F8: variants seen among roughly 807,000 people sequenced by gnomAD.
F8 encodes antihemophilic factor.
A neutral mutation model predicts 140.6 loss-of-function variants in F8; 12 were observed. The ratio of observed to expected loss-of-function variants is 0.09; its 90% CI spans 0.05 to 0.14. F8 has a LOEUF of 0.14. F8 is among the 10% of genes least tolerant of loss of function. The pLI is 1.00. For missense variants in F8, 1,354 were observed against 1,720.7 expected (o/e 0.79, Z 3.77); for synonymous variants, 585 against 614.6 (o/e 0.95, Z 0.71).
At chrX:155,012,250 TG>T (rs2073709299) in intron 1 of F8, among the ~76,000 whole-genome samples, 1 of 111,663 alleles carries the variant, frequency 9.0e-6, no homozygotes, top group Non-Finnish European at 1.9e-5. Flanking sequence ...CTCCAAGGAG[TG>T]AAAAAATGGT....
Position 154,947,706 on chromosome X carries a change from T to C in F8, c.2105A>G (p.Glu702Gly). 8.3e-7 allele frequency: 1 copy of C among 1,208,453 alleles called. No homozygotes were observed. Among genetic ancestry groups the C allele is most frequent in the Non-Finnish European group, 1.1e-6 (1 of 892,406 alleles). The change falls in exon 13 of 26, where the codon GAA (glutamate) becomes GGA (glycine). Residue 702 changes from glutamate to glycine, a missense_variant. This residue lies in a region of F8 where 252 missense variants were observed against 338.5 expected (regional missense o/e 0.74). Coordinates refer to ENST00000360256, the MANE Select transcript of F8 (RefSeq NM_000132.4). ...AAAATATAATAACTAACCTGGGTTT[T>C]CCATCGACATGAAGACAGTTTCTCC... ...FSGETVFMSMENPGLWILGCH... is the reference protein window; with the variant it reads ...FSGETVFMSMGNPGLWILGCH...
In F8 at chrX:154,872,031, TA is replaced by T. The variant is rs1385935605; in HGVS notation, c.6430-8805del. On this transcript the variant is annotated intron_variant, in intron 22 of 25. Coordinates refer to ENST00000360256, the MANE Select transcript of F8 (RefSeq NM_000132.4). The stretch of plus-strand genomic sequence containing the variant: ...TCACGCCAGTTAGAACGGTGATCAT[TA>T]AAAAGTCAGGAAACAACAGATGCTG... Among the ~76,000 whole-genome samples the T allele has an allele frequency of 4.5e-5, 5 of 111,911 alleles. No homozygotes were observed. The Admixed American group carries it at 4.7e-4, about 11-fold the overall frequency.
chrX:154,879,598 G>C (rs1488855346), intron 22 of F8, among the ~76,000 whole-genome samples: 1 of 112,207 alleles, frequency 8.9e-6, no homozygotes, highest in Non-Finnish European at 1.9e-5. Flanking sequence ...TAGCCTAATT[G>C]TAAGTGTTCT....
intron 19 of F8, 136 bp from the exon 20 acceptor site, chrX:154,901,578 G>GT (rs1165674096): frequency 2.9e-5 from 16 of 549,598 alleles, no homozygotes; most frequent in African/African-American, 6.8e-5. Context: ...TGTACTCAAC[G>GT]TTTTACTGTA....
chrX:155,004,141 C>T (rs919313711), intron 1 of F8, among the ~76,000 whole-genome samples: 2 of 110,636 alleles, frequency 1.8e-5, no homozygotes, highest in Non-Finnish European at 3.8e-5. Context: ...TCCAACTTCG[C>T]CTCAGAAACC....
intron 14 of F8, among the ~76,000 whole-genome samples, chrX:154,928,045 A>C (rs1433159331): frequency 1.8e-5 from 2 of 112,178 alleles, no homozygotes; most frequent in Admixed American, 1.9e-4. Flanking sequence ...TTCCAATAGA[A>C]TATAAGCTCC....
At chrX:154,954,710 C>T (rs1192715279) in intron 11 of F8, among the ~76,000 whole-genome samples, 1 of 111,393 alleles carries the variant, frequency 9.0e-6, no homozygotes, top group African/African-American at 3.3e-5. Context: ...TTTTTTATAA[C>T]CTATAGCTAT....
intron 14 of F8, chrX:154,919,844 G>T: frequency 3.9e-6 from 1 of 255,333 alleles, no homozygotes. Flanking sequence ...GCATCAGAAG[G>T]CAGAATCAGT....
chrX:154,856,474 G>T (rs906318379), intron 25 of F8, among the ~76,000 whole-genome samples: 63 of 112,699 alleles, frequency 5.6e-4, no homozygotes, highest in African/African-American at 1.9e-3. Context: ...AGTATGACTT[G>T]CACAGACCTA....
intron 13 of F8, among the ~76,000 whole-genome samples, chrX:154,942,591 A>G (rs1557279937): frequency 1.8e-5 from 2 of 111,917 alleles, no homozygotes; most frequent in African/African-American, 6.5e-5. Flanking sequence ...CAGAGGTAGA[A>G]GGAGGAATTG....
At chrX:154,908,177 A>G (rs1434841834) in intron 14 of F8, among the ~76,000 whole-genome samples, 2 of 112,150 alleles carry the variant, frequency 1.8e-5, no homozygotes, top group Non-Finnish European at 3.8e-5. Context: ...TGTTTTATCT[A>G]TATAGATACC....
intron 6 of F8, among the ~76,000 whole-genome samples, chrX:154,982,817 G>A (rs1021437187): frequency 6.2e-5 from 7 of 112,059 alleles, no homozygotes; most frequent in Admixed American, 9.4e-5. Flanking sequence ...CTTGGGACCC[G>A]TATAAAGTGC....
At chrX:154,991,341 T>C (rs1475816809) in intron 4 of F8, among the ~76,000 whole-genome samples, 2 of 112,608 alleles carry the variant, frequency 1.8e-5, no homozygotes, top group Non-Finnish European at 3.8e-5. Flanking sequence ...GGTTAAGGAA[T>C]ACTAGAGTGG....
chrX:154,922,428 A>C (rs2073137129), intron 14 of F8, among the ~76,000 whole-genome samples: 1 of 112,581 alleles, frequency 8.9e-6, no homozygotes, highest in South Asian at 3.7e-4. Context: ...GGCACTGTTC[A>C]AAGTTCTGGG....
At chrX:154,857,806 CGAAGGGTGACCTCAGCAGATA>C (rs1172827012) in intron 25 of F8, among the ~76,000 whole-genome samples, 1 of 112,223 alleles carries the variant, frequency 8.9e-6, no homozygotes, top group Non-Finnish European at 1.9e-5. Context: ...GAGTGCTCAA[CGAAGGGTGACCTCAGCAGATA>C]AGGATTTCAA....
At chrX:154,943,324 A>G (rs1290607911) in intron 13 of F8, among the ~76,000 whole-genome samples, 3 of 112,215 alleles carry the variant, frequency 2.7e-5, no homozygotes, top group Admixed American at 1.9e-4. Flanking sequence ...GCAAAGCCTC[A>G]GGATACAAAA....
chrX:154,985,163 C>T (rs1221075981), intron 5 of F8, among the ~76,000 whole-genome samples: 1 of 111,738 alleles, frequency 8.9e-6, no homozygotes, highest in Non-Finnish European at 1.9e-5. Context: ...GGGCCGGGCG[C>T]GGTGGCTCAC....
rs782225651 is a variant in F8 at position 154,934,475 on chromosome X, A to G, written c.2114-2799T>C. Among the ~76,000 whole-genome samples the G allele has an allele frequency of 2.6e-4, 29 of 111,964 alleles. 1 individual carries two copies. The South Asian group carries it at 0.011, about 41-fold the overall frequency. ...TTCATTATAACAATGGGATCAGGGT[A>G]TACAAGCTAGCATCGGTGGTTTTAC... On this transcript the variant is annotated intron_variant, in intron 13 of 25. Coordinates refer to ENST00000360256, the MANE Select transcript of F8 (RefSeq NM_000132.4).
Position 154,841,239 on chromosome X carries a change from G to C in F8, c.6901-3487C>G, listed in dbSNP as rs782575183. ...TTTTTTTTTTTTTTTTTTGAGACAGGGTTTCTCTCTGGAGCAAGGTTGGCT... is the reference window on the plus strand; with the variant it reads ...TTTTTTTTTTTTTTTTTTGAGACAGCGTTTCTCTCTGGAGCAAGGTTGGCT... On this transcript the variant is annotated intron_variant, in intron 25 of 25. Coordinates refer to ENST00000360256, the MANE Select transcript of F8 (RefSeq NM_000132.4). Among the ~76,000 whole-genome samples, 9 of 94,866 alleles carry C rather than the reference G, an allele frequency of 9.5e-5. No homozygotes were observed. In the East Asian group the frequency reaches 2.8e-3, roughly 30 times the overall value. The allele number at this position is 94,866 out of a possible 115,157, so 82.4% of individuals were successfully genotyped here. A position where few individuals can be genotyped will look rare whatever the true frequency, so the allele number is the denominator to read the frequency against.
Sources: gnomAD v4.1 joint callset for allele counts (sites outside exome capture counted in the v4.1 genomes callset) on GRCh38, gnomAD v4.1.1 for gene constraint, gnomAD v4.1.1 regional missense constraint, MANE v1.5 for transcripts, NCBI Gene and HGNC (gene_info 2026-07-23, HGNC 2026-07-21) for gene names.